Variants in EIF4E3 observed in about 807,000 individuals in gnomAD.
The protein encoded by EIF4E3 is eukaryotic translation initiation factor 4E type 3.
Under a neutral mutation model 31.7 loss-of-function variants are expected in EIF4E3, and 26 were observed. The ratio of observed to expected loss-of-function variants is 0.82; its 90% CI spans 0.60 to 1.14. The LOEUF is 1.14. Among genes scored for constraint, EIF4E3 ranks in the 50% most tolerant of loss-of-function variants. The pLI, the probability that EIF4E3 is intolerant of heterozygous loss-of-function variation, is 0.00. For synonymous variants in EIF4E3, 128 were observed against 107.7 expected (o/e 1.19, Z -1.17); for missense variants, 304 against 270.9 (o/e 1.12, Z -0.86).
intron 1 of EIF4E3, among the ~76,000 whole-genome samples, chr3:71,730,731 ATTG>A (rs141826933): frequency 0.039 from 5,824 of 151,130 alleles, 374 homozygotes; most frequent in African/African-American, 0.13. Context: ...CTCTATTATT[ATTG>A]TTGTTGTTTT....
At chr3:71,733,061 T>C (rs1559611441) in intron 1 of EIF4E3, among the ~76,000 whole-genome samples, 2 of 152,164 alleles carry the variant, frequency 1.3e-5, no homozygotes, top group Non-Finnish European at 2.9e-5. Context: ...TGAATACGAG[T>C]GTCCTCCTTT....
At chr3:71,673,102 T>C (rs1234977059), downstream of EIF4E3, among the ~76,000 whole-genome samples, 3 of 152,220 alleles carry the variant, frequency 2.0e-5, no homozygotes, top group Admixed American at 6.5e-5. Context: ...TCTGGGCTTG[T>C]TGACCTGCAC....
At chr3:71,686,060 A>C (rs1184601673) in intron 6 of EIF4E3, among the ~76,000 whole-genome samples, 2 of 152,138 alleles carry the variant, frequency 1.3e-5, no homozygotes, top group Non-Finnish European at 2.9e-5. Flanking sequence ...TACTCGGCTC[A>C]CTGCAGCCTT....
intron 4 of EIF4E3, among the ~76,000 whole-genome samples, chr3:71,695,665 T>C (rs1413139326): frequency 6.6e-6 from 1 of 152,198 alleles, no homozygotes; most frequent in Non-Finnish European, 1.5e-5. Flanking sequence ...TTTAGGTATG[T>C]TCTTATAGTA....
At chr3:71,714,405 CA>C (rs2049434680) in intron 1 of EIF4E3, among the ~76,000 whole-genome samples, 1 of 152,168 alleles carries the variant, frequency 6.6e-6, no homozygotes, top group South Asian at 2.1e-4. Flanking sequence ...CTAATTTCTT[CA>C]TGGAGGAGGG....
chr3:71,746,256 G>A (rs1017385824), intron 1 of EIF4E3, among the ~76,000 whole-genome samples: 1 of 152,112 alleles, frequency 6.6e-6, no homozygotes, highest in Non-Finnish European at 1.5e-5. Flanking sequence ...GTCAAACTGG[G>A]GTAGGAGATT....
At chr3:71,714,144 G>A (rs1403613385) in intron 1 of EIF4E3, among the ~76,000 whole-genome samples, 1 of 151,794 alleles carries the variant, frequency 6.6e-6, no homozygotes, top group African/African-American at 2.4e-5. Flanking sequence ...CCTGGGAGGC[G>A]GAGGTTGCAG....
intron 6 of EIF4E3, among the ~76,000 whole-genome samples, chr3:71,688,088 T>C (rs1394236401): frequency 1.3e-5 from 2 of 152,200 alleles, no homozygotes; most frequent in Non-Finnish European, 2.9e-5. Flanking sequence ...CCTTAAAGTA[T>C]GAATTTCTGC....
chr3:71,719,791 ATTGC>A (rs2049518879), intron 1 of EIF4E3, among the ~76,000 whole-genome samples: 1 of 152,084 alleles, frequency 6.6e-6, no homozygotes, highest in Non-Finnish European at 1.5e-5. Flanking sequence ...AGGTGGGAGA[ATTGC>A]TCGAGCCCAG....
chr3:71,709,163 T>C (rs1446222905), intron 2 of EIF4E3, among the ~76,000 whole-genome samples: 4 of 152,172 alleles, frequency 2.6e-5, no homozygotes, highest in African/African-American at 7.2e-5. Flanking sequence ...TGCAGATCTA[T>C]TGGAATTTCT....
In EIF4E3 at chr3:71,678,753, G is replaced by A. The variant is rs1031805141; in HGVS notation, c.*5929C>T. 1 of 152,280 alleles carries A rather than the reference G, an allele frequency of 6.6e-6. No individual in the cohort carries two copies. 9.4% of individuals were successfully genotyped at this position (152,280 alleles called of 1,614,324 possible). A position where few individuals can be genotyped will look rare whatever the true frequency, so the allele number is the denominator to read the frequency against. On this transcript the variant is annotated 3_prime_UTR_variant, in exon 7 of 7. Transcript: ENST00000425534. ...AAATAGGGGGGTGGGGGCACAAGCA[G>A]ATCCAAAACATAATCAAACAAACCT...
chr3:71,718,008 G>GA (rs1345323348), intron 1 of EIF4E3, among the ~76,000 whole-genome samples: 4 of 152,204 alleles, frequency 2.6e-5, no homozygotes, highest in Non-Finnish European at 4.4e-5. Context: ...AATGTTTGCT[G>GA]AAAAAACCAA....
Position 71,690,084 on chromosome 3 carries a change from A to G in EIF4E3, c.554T>C (p.Val185Ala). The part of the protein sequence containing the change: ...VQVWNVNASL[V>A]GEATVLEKIY... ...CTTTTCTAAAACAGTCGCTTCACCC[A>G]CTAAAGAGGCATTTACATTCCAGAC... Residue 185 changes from valine (V) to alanine (A), a missense_variant, in exon 6 of 7, where the codon GTG becomes GCG. By Grantham distance (64) the Val-to-Ala change is moderately conservative (BLOSUM62 0). Coordinates refer to ENST00000425534, the MANE Select transcript of EIF4E3 (RefSeq NM_001134651.2). 2 of 1,613,952 alleles carry G rather than the reference A, an allele frequency of 1.2e-6. No homozygotes were observed. Among genetic ancestry groups the G allele is most frequent in the Non-Finnish European group, 1.7e-6 (2 of 1,179,960 alleles).
chr3:71,689,387 A>T (rs1292511006), intron 6 of EIF4E3, among the ~76,000 whole-genome samples: 1 of 152,234 alleles, frequency 6.6e-6, no homozygotes, highest in Non-Finnish European at 1.5e-5. Context: ...TTCATTATGA[A>T]AAAGAAGACT....
At chr3:71,670,338 C>A in the EIF4E3 span, among the ~76,000 whole-genome samples, 14 of 152,264 alleles carry the variant, frequency 9.2e-5, no homozygotes, top group East Asian at 2.1e-3. Context: ...TGCCTCTTCG[C>A]AAGGCTCGCT....
chr3:71,708,723 C>A (rs926662907), intron 2 of EIF4E3, among the ~76,000 whole-genome samples: 1 of 152,078 alleles, frequency 6.6e-6, no homozygotes, highest in African/African-American at 2.4e-5. Context: ...TGAGGACAGG[C>A]CTTCAAATCA....
intron 2 of EIF4E3, among the ~76,000 whole-genome samples, chr3:71,701,706 G>C (rs2049219064): frequency 6.6e-6 from 1 of 152,126 alleles, no homozygotes. Flanking sequence ...AATCCTGCTG[G>C]GTTGTTCAAG....
chr3:71,747,726 T>C (rs1194524014), intron 1 of EIF4E3, among the ~76,000 whole-genome samples: 1 of 152,190 alleles, frequency 6.6e-6, no homozygotes, highest in Non-Finnish European at 1.5e-5. Context: ...CTCCTATATT[T>C]TCTTCTAAGA....
At chr3:71,670,479 G>A (rs704283), downstream of EIF4E3, among the ~76,000 whole-genome samples, 23,740 of 152,028 alleles carry the variant, frequency 0.16, 2,155 homozygotes, top group African/African-American at 0.26. Flanking sequence ...ACTTTCTTCC[G>A]TGTCTTTAGA....
Sources: allele counts gnomAD v4.1 joint callset (sites outside exome capture counted in the v4.1 genomes callset), GRCh38; gene constraint gnomAD v4.1.1; transcripts MANE v1.5; gene names NCBI Gene and HGNC (gene_info 2026-07-23, HGNC 2026-07-21).